OSBPL10: variants seen among roughly 807,000 people sequenced by gnomAD.
OSBPL10 encodes the protein oxysterol binding protein like 10, also known as oxysterol-binding protein-related protein 10.
OSBPL10 carries 49 observed loss-of-function variants against 81.7 expected under a neutral mutation model. That is an observed-to-expected ratio of 0.60 (90% CI 0.48 to 0.76). OSBPL10 has a LOEUF of 0.76. OSBPL10 is among the 30% of genes least tolerant of loss of function. The probability of loss-of-function intolerance (pLI) is 0.00; values close to 1 mark genes in which losing one functional copy is unlikely to be tolerated. For missense variants in OSBPL10, 923 were observed against 987.8 expected (o/e 0.93, Z 0.88); for synonymous variants, 419 against 383.6 (o/e 1.09, Z -1.08).
At chr3:31,880,891 G>C (rs1695553201) in intron 1 of OSBPL10, among the ~76,000 whole-genome samples, 1 of 152,218 alleles carries the variant, frequency 6.6e-6, no homozygotes, top group Non-Finnish European at 1.5e-5. Context: ...CAACAGTTCA[G>C]AAGTTGTCAA....
intron 4 of OSBPL10, among the ~76,000 whole-genome samples, chr3:31,778,673 G>T (rs948506767): frequency 2.0e-5 from 3 of 152,056 alleles, no homozygotes; most frequent in African/African-American, 7.2e-5. Flanking sequence ...CCTTGCAAGA[G>T]ATCTAGACAT....
intron 3 of OSBPL10, among the ~76,000 whole-genome samples, chr3:31,834,711 C>A (rs1288124948): frequency 6.6e-6 from 1 of 152,190 alleles, no homozygotes; most frequent in Non-Finnish European, 1.5e-5. Flanking sequence ...TCAAGGTAAT[C>A]GGGTAACAAG....
At chr3:31,758,773 A>AT (rs1697956079) in intron 4 of OSBPL10, among the ~76,000 whole-genome samples, 1 of 152,212 alleles carries the variant, frequency 6.6e-6, no homozygotes, top group Admixed American at 6.5e-5. Flanking sequence ...GCATGTGTAC[A>AT]TATTTCTTTC....
intron 1 of OSBPL10, among the ~76,000 whole-genome samples, chr3:32,067,344 T>C (rs567955394): frequency 3.3e-5 from 5 of 152,272 alleles, no homozygotes; most frequent in African/African-American, 1.2e-4. Flanking sequence ...CAAAGCTCTG[T>C]GGAGGGTCGT....
intron 4 of OSBPL10, among the ~76,000 whole-genome samples, chr3:31,824,624 C>CA (rs1700058815): frequency 6.6e-6 from 1 of 152,120 alleles, no homozygotes; most frequent in South Asian, 2.1e-4. Context: ...AAAGACCCGC[C>CA]ATCTTTGTTG....
At chr3:31,955,848 G>A (rs569998385) in intron 1 of OSBPL10, among the ~76,000 whole-genome samples, 179 of 152,356 alleles carry the variant, frequency 1.2e-3, no homozygotes, top group African/African-American at 4.2e-3. Context: ...CTGAGAGTGA[G>A]AGGGGAACAA....
At chr3:32,031,549 C>T (rs548288816) in intron 2 of OSBPL10, among the ~76,000 whole-genome samples, 1 of 152,114 alleles carries the variant, frequency 6.6e-6, no homozygotes, top group African/African-American at 2.4e-5. Flanking sequence ...GCAACCTCTG[C>T]CCCCCAGTTT....
intron 3 of OSBPL10, among the ~76,000 whole-genome samples, chr3:31,848,953 G>A (rs1179374484): frequency 6.6e-6 from 1 of 152,174 alleles, no homozygotes; most frequent in African/African-American, 2.4e-5. Context: ...GTTCAGAGTT[G>A]GGTGGTCTCA....
chr3:31,738,938 A>C (rs1304388774), intron 5 of OSBPL10, among the ~76,000 whole-genome samples: 3 of 152,224 alleles, frequency 2.0e-5, no homozygotes, highest in Non-Finnish European at 4.4e-5. Flanking sequence ...GGTAGTAAGC[A>C]ATGAACCCAG....
intron 3 of OSBPL10, among the ~76,000 whole-genome samples, chr3:31,872,771 A>G (rs1330922681): frequency 6.6e-6 from 1 of 152,136 alleles, no homozygotes; most frequent in East Asian, 1.9e-4. Flanking sequence ...ACAGGTGTGC[A>G]CCACCATGCC....
chr3:32,051,666 T>C (rs563387044), intron 1 of OSBPL10, among the ~76,000 whole-genome samples: 18 of 152,312 alleles, frequency 1.2e-4, no homozygotes, highest in African/African-American at 4.3e-4. Context: ...TCCTAGAAAC[T>C]GCATGTTTTC....
At chr3:31,701,092 C>T (rs114671462) in intron 7 of OSBPL10, among the ~76,000 whole-genome samples, 3,701 of 152,276 alleles carry the variant, frequency 0.024, 61 homozygotes, top group Non-Finnish European at 0.035. Context: ...CTGAGAGGCT[C>T]CTATCTCCTC....
chr3:32,057,595 T>C (rs1699722269), intron 1 of OSBPL10, among the ~76,000 whole-genome samples: 1 of 152,160 alleles, frequency 6.6e-6, no homozygotes, highest in Non-Finnish European at 1.5e-5. Context: ...AAGAGCCCTT[T>C]ATAAAACCAT....
chr3:31,925,600 G>A (rs1035917689), intron 1 of OSBPL10, among the ~76,000 whole-genome samples: 1 of 152,010 alleles, frequency 6.6e-6, no homozygotes, highest in African/African-American at 2.4e-5. Flanking sequence ...ATCACTTGAG[G>A]TCAGGAGTTC....
At chr3:31,964,248 C>T (rs1266762357) in intron 1 of OSBPL10, among the ~76,000 whole-genome samples, 1 of 152,172 alleles carries the variant, frequency 6.6e-6, no homozygotes, top group Admixed American at 6.5e-5. Flanking sequence ...CCTCTGCCTC[C>T]CAAGTTCAAG....
At chr3:31,676,040 G>A (rs61538898) in intron 8 of OSBPL10, among the ~76,000 whole-genome samples, 2,082 of 150,896 alleles carry the variant, frequency 0.014, 47 homozygotes, top group African/African-American at 0.047. Context: ...TTTCTCTAAT[G>A]TAATACTGCA....
intron 1 of OSBPL10, among the ~76,000 whole-genome samples, chr3:32,071,944 G>A (rs953114473): frequency 2.6e-5 from 4 of 152,038 alleles, no homozygotes; most frequent in Non-Finnish European, 4.4e-5. Context: ...ATTGATGGCA[G>A]TTCCACCAGG....
intron 6 of OSBPL10, chr3:31,718,008 A>G (rs1696507812): frequency 6.6e-6 from 1 of 152,192 alleles, no homozygotes; most frequent in African/African-American, 2.4e-5. Context: ...TTAAGCACAA[A>G]AAGAAGGTGA....
chr3:32,032,459 A>G lies in OSBPL10; in HGVS notation n.298+14032T>C, dbSNP rs187582677. Among the ~76,000 whole-genome samples, 788 of 152,112 alleles carry G rather than the reference A, an allele frequency of 5.2e-3. 7 individuals carry two copies. Among genetic ancestry groups the G allele is most frequent in the Non-Finnish European group, 8.3e-3 (566 of 67,986 alleles). ...TAAAAATTAAATAAGTAAAAAGAAA[A>G]ATGACAAAAAACAATAAAATGAAAT... On this transcript the variant is annotated intron_variant and non_coding_transcript_variant, in intron 2 of 3. Transcript: ENST00000479173.
Sources: allele counts gnomAD v4.1 joint callset (sites outside exome capture counted in the v4.1 genomes callset), GRCh38; gene constraint gnomAD v4.1.1; transcripts MANE v1.5; gene names NCBI Gene and HGNC (gene_info 2026-07-23, HGNC 2026-07-21).